The following VWA8 variants were observed in gnomAD, a reference collection of about 807,000 sequenced individuals.
VWA8 encodes the protein von Willebrand factor A domain containing 8.
VWA8 carries 221 observed loss-of-function variants against 241.5 expected under a neutral mutation model. The ratio of observed to expected loss-of-function variants is 0.91; its 90% CI spans 0.82 to 1.02. The LOEUF is 1.02. VWA8 is among the 50% of genes least tolerant of loss of function. The pLI is 0.00. For missense variants in VWA8, 2,322 were observed against 2,328.7 expected (o/e 1.00, Z 0.06); for synonymous variants, 852 against 827.1 (o/e 1.03, Z -0.52).
chr13:41,585,841 G>A (rs1232953055), intron 42 of VWA8, among the ~76,000 whole-genome samples: 2 of 149,562 alleles, frequency 1.3e-5, no homozygotes, highest in African/African-American at 5.0e-5. Context: ...TCCAGCCTGG[G>A]CGACAGAGTG....
chr13:41,611,462 G>T, intron 39 of VWA8, 114 bp downstream of exon 39: 1 of 1,390,846 alleles, frequency 7.2e-7, no homozygotes, highest in Non-Finnish European at 9.7e-7. Context: ...TTTGAGGTCC[G>T]AGTTGCTGCA....
intron 4 of VWA8, among the ~76,000 whole-genome samples, chr13:41,898,759 C>T (rs1181848982): frequency 1.3e-5 from 2 of 152,116 alleles, no homozygotes; most frequent in African/African-American, 2.4e-5. Flanking sequence ...AGAAATCGAG[C>T]GCAGCGCCGG....
At chr13:41,591,195 G>A (rs1159289710) in intron 40 of VWA8, among the ~76,000 whole-genome samples, 2 of 152,182 alleles carry the variant, frequency 1.3e-5, no homozygotes, top group Non-Finnish European at 2.9e-5. Flanking sequence ...TGTTACTCAA[G>A]TTCTCTGGGA....
chr13:41,855,080 G>A (rs1872684471), intron 12 of VWA8, among the ~76,000 whole-genome samples: 4 of 151,854 alleles, frequency 2.6e-5, no homozygotes, highest in South Asian at 2.1e-4. Flanking sequence ...ACTGTGAGTC[G>A]TGATTAAAAA....
intron 5 of VWA8, among the ~76,000 whole-genome samples, chr13:41,890,124 C>G (rs936471053): frequency 6.6e-6 from 1 of 152,212 alleles, no homozygotes; most frequent in Non-Finnish European, 1.5e-5. Context: ...CATCTAGAAA[C>G]TCCCACAAAC....
chr13:41,833,077 C>G (rs953791238), intron 13 of VWA8, among the ~76,000 whole-genome samples: 1 of 151,994 alleles, frequency 6.6e-6, no homozygotes, highest in Non-Finnish European at 1.5e-5. Flanking sequence ...CATATATAGA[C>G]CTGTATATAT....
intron 37 of VWA8, among the ~76,000 whole-genome samples, chr13:41,652,562 T>C (rs2044876134): frequency 6.6e-6 from 1 of 152,190 alleles, no homozygotes; most frequent in Admixed American, 6.5e-5. Context: ...CCTGTATTCA[T>C]TGTTGCCTTT....
At chr13:41,764,780 T>G (rs551131679) in intron 20 of VWA8, among the ~76,000 whole-genome samples, 58 of 152,104 alleles carry the variant, frequency 3.8e-4, no homozygotes, top group African/African-American at 1.3e-3. Context: ...AGGTGGGGTT[T>G]AAGTCTGGCT....
intron 20 of VWA8, among the ~76,000 whole-genome samples, chr13:41,772,822 A>G (rs1006166922): frequency 6.6e-6 from 1 of 152,238 alleles, no homozygotes; most frequent in Non-Finnish European, 1.5e-5. Flanking sequence ...AGTATCATAG[A>G]TTCTTAGAAA....
At chr13:41,668,387 C>A (rs1315560254) in intron 37 of VWA8, among the ~76,000 whole-genome samples, 1 of 152,112 alleles carries the variant, frequency 6.6e-6, no homozygotes, top group Non-Finnish European at 1.5e-5. Context: ...GGGGAAGCTG[C>A]TTGCAGCCAG....
chr13:41,830,161 T>C (rs540304826), intron 14 of VWA8, among the ~76,000 whole-genome samples: 8 of 149,734 alleles, frequency 5.3e-5, no homozygotes, highest in Admixed American at 4.7e-4. Flanking sequence ...GAGAATGGCA[T>C]GGACCTGGGA....
intron 17 of VWA8, among the ~76,000 whole-genome samples, chr13:41,797,711 T>C (rs1280287987): frequency 6.6e-6 from 1 of 152,178 alleles, no homozygotes; most frequent in Non-Finnish European, 1.5e-5. Flanking sequence ...CCTTGAAGTA[T>C]ATTAATAGTA....
At chr13:41,834,942 G>A (rs1871649254) in intron 12 of VWA8, among the ~76,000 whole-genome samples, 1 of 152,184 alleles carries the variant, frequency 6.6e-6, no homozygotes, top group Non-Finnish European at 1.5e-5. Context: ...GGACATGGAT[G>A]CAGCTAGAGG....
chr13:41,615,147 G>A, intron 37 of VWA8, 63 bp from the exon 38 acceptor site: 15 of 1,519,100 alleles, frequency 9.9e-6, no homozygotes, highest in Admixed American at 9.5e-5. Flanking sequence ...CTGCATGACA[G>A]AAAAAAAAAT....
intron 12 of VWA8, among the ~76,000 whole-genome samples, chr13:41,840,323 G>T (rs2138014326): frequency 6.6e-6 from 1 of 152,176 alleles, no homozygotes; most frequent in South Asian, 2.1e-4. Flanking sequence ...GGGATGGCGG[G>T]GCTAGAGGAG....
intron 3 of VWA8, among the ~76,000 whole-genome samples, chr13:41,910,966 G>A (rs1014633629): frequency 6.6e-5 from 10 of 151,898 alleles, no homozygotes; most frequent in Non-Finnish European, 1.2e-4. Context: ...AATGTCTTCA[G>A]AACACAGCTT....
At chr13:41,807,732 A>C (rs1476687355) in intron 17 of VWA8, 1 of 152,296 alleles carries the variant, frequency 6.6e-6, no homozygotes, top group Non-Finnish European at 1.5e-5. Context: ...CTGAGGCAAG[A>C]GAATGGCTCG....
chr13:41,937,374 T>TG (rs1420762351), intron 2 of VWA8, among the ~76,000 whole-genome samples: 1 of 152,202 alleles, frequency 6.6e-6, no homozygotes, highest in Non-Finnish European at 1.5e-5. Flanking sequence ...CAGTCCCATC[T>TG]GGGGGTGATG....
intron 6 of VWA8, 39 bp downstream of exon 6, chr13:41,887,158 A>G (rs1435621642): frequency 1.9e-6 from 3 of 1,584,758 alleles, no homozygotes; most frequent in Non-Finnish European, 2.6e-6. Flanking sequence ...ATAAATAGAA[A>G]AACTGTTTAA....
Sources: allele counts gnomAD v4.1 joint callset (sites outside exome capture counted in the v4.1 genomes callset), GRCh38; gene constraint gnomAD v4.1.1; transcripts MANE v1.5; gene names NCBI Gene and HGNC (gene_info 2026-07-23, HGNC 2026-07-21).